Variants in ANKRD36C observed in about 807,000 individuals in gnomAD.
The protein encoded by ANKRD36C is ankyrin repeat domain-containing protein 36C.
A neutral mutation model predicts 276.4 loss-of-function variants in ANKRD36C; 61 were observed. The ratio of observed to expected loss-of-function variants is 0.22; its 90% CI spans 0.18 to 0.27. ANKRD36C has a LOEUF of 0.27. Ranked by LOEUF, ANKRD36C falls within the 10% of genes least tolerant of loss-of-function variation. The pLI is 1.00. For missense variants in ANKRD36C, 1,447 were observed against 2,032.3 expected, an observed-to-expected ratio of 0.71 and a Z score of 5.54; for synonymous variants, 483 against 680.1, an observed-to-expected ratio of 0.71 and a Z score of 4.51.
At chr2:95,975,751 G>A (rs905146710) in intron 6 of ANKRD36C, among the ~76,000 whole-genome samples, 24 of 152,178 alleles carry the variant, frequency 1.6e-4, no homozygotes, top group Middle Eastern at 3.4e-3. Context: ...CAAAAGCAAC[G>A]GCAACAAAAG....
exon 64 of ANKRD36C, chr2:95,853,719 A>T (rs1390255473): frequency 6.3e-7 from 1 of 1,583,892 alleles, no homozygotes; most frequent in Admixed American, 1.8e-5. Flanking sequence ...TTGACTTCTC[A>T]TCTGGTCTAA....
chr2:95,962,442 C>A lies in ANKRD36C; in HGVS notation c.829-18G>T. Reference sequence around the variant, plus strand: ...CTTGTAGCCTGAGTGGGATTTGAAACAAAATAATCAATACGTAAAGTATTT... The same window carrying A: ...CTTGTAGCCTGAGTGGGATTTGAAAAAAAATAATCAATACGTAAAGTATTT... On this transcript the variant is annotated intron_variant, in intron 7 of 66. Coordinates refer to ENST00000456556, the Ensembl canonical transcript of ANKRD36C. 2 of 1,581,728 alleles carry A rather than the reference C, an allele frequency of 1.3e-6. No homozygotes were observed. Among genetic ancestry groups the A allele is most frequent in the Non-Finnish European group, 1.7e-6 (2 of 1,165,244 alleles).
chr2:95,887,003 C>G (rs1447238543), intron 50 of ANKRD36C, among the ~76,000 whole-genome samples: 1 of 151,314 alleles, frequency 6.6e-6, no homozygotes, highest in South Asian at 2.1e-4. Flanking sequence ...TATTAATAAG[C>G]TTTTACACTT....
chr2:95,925,491 T>G, intron 29 of ANKRD36C, 28 bp downstream of exon 29: 2 of 1,548,394 alleles, frequency 1.3e-6, no homozygotes, highest in Non-Finnish European at 1.7e-6. Flanking sequence ...TAATAAATAA[T>G]TCAAAATATA....
At chr2:95,851,569 A>G in intron 66 of ANKRD36C, 125 bp downstream of exon 86, 2 of 861,396 alleles carry the variant, frequency 2.3e-6, no homozygotes, top group Non-Finnish European at 3.6e-6. Context: ...GTATATGCAA[A>G]TATTCCAAAA....
chr2:95,891,386 A>G (rs1432289922), intron 46 of ANKRD36C, among the ~76,000 whole-genome samples: 1 of 151,430 alleles, frequency 6.6e-6, no homozygotes, highest in Non-Finnish European at 1.5e-5. Flanking sequence ...GGAGAATTAA[A>G]GCAAAATTAT....
In ANKRD36C at chr2:95,978,193, T is replaced by C; in HGVS notation, c.732-4A>G. 1 of 986,028 alleles carries C rather than the reference T, an allele frequency of 1.0e-6. No homozygotes were observed. The highest frequency in any genetic ancestry group is 1.7e-5 in the African/African-American group (1 of 60,380). 61.1% of individuals were successfully genotyped at this position (986,028 alleles called of 1,614,324 possible). A position where few individuals can be genotyped will look rare whatever the true frequency, so the allele number is the denominator to read the frequency against. On this transcript the variant is annotated splice_polypyrimidine_tract_variant and splice_region_variant and intron_variant, in intron 5 of 66. Coordinates refer to ENST00000456556, the Ensembl canonical transcript of ANKRD36C. ...TTCATAAATTAGTTCAAAAATGCTA[T>C]GCATAAAAATAAATGAAATTAATAT...
chr2:95,929,841 T>C (rs2463560), intron 24 of ANKRD36C, among the ~76,000 whole-genome samples: 61,103 of 150,742 alleles, frequency 0.41, 13,248 homozygotes, highest in East Asian at 0.65. Flanking sequence ...TTCATTATTT[T>C]TCACACCCAT....
chr2:95,916,636 C>T (rs1284237254), intron 36 of ANKRD36C, among the ~76,000 whole-genome samples: 2 of 151,640 alleles, frequency 1.3e-5, no homozygotes, highest in Non-Finnish European at 3.0e-5. Context: ...CACACAATTC[C>T]GATGACCCTT....
intron 13 of ANKRD36C, among the ~76,000 whole-genome samples, chr2:95,954,861 T>C (rs1438731281): frequency 6.6e-6 from 1 of 152,092 alleles, no homozygotes; most frequent in Non-Finnish European, 1.5e-5. Context: ...TTCCTCCCTA[T>C]GGGCTCCCAC....
At chr2:95,896,524 G>A (rs1461780124) in intron 44 of ANKRD36C, among the ~76,000 whole-genome samples, 1 of 149,490 alleles carries the variant, frequency 6.7e-6, no homozygotes, top group Non-Finnish European at 1.5e-5. Flanking sequence ...CTTGAACAAG[G>A]AAGCAAATTT....
At chr2:95,857,238 T>C in intron 62 of ANKRD36C, 71 bp downstream of exon 82, 1 of 1,552,750 alleles carries the variant, frequency 6.4e-7, no homozygotes, top group Non-Finnish European at 8.7e-7. Flanking sequence ...TAATGTACAT[T>C]AAACAAAAGA....
intron 30 of ANKRD36C, 75 bp from the exon 31 acceptor site, chr2:95,923,764 G>T: frequency 1.3e-6 from 2 of 1,584,122 alleles, no homozygotes; most frequent in South Asian, 2.3e-5. Flanking sequence ...TGAAGTGTTA[G>T]AATCAAGCTG....
At chr2:95,922,673 TAGG>T (rs1677303125) in intron 32 of ANKRD36C, among the ~76,000 whole-genome samples, 1 of 151,686 alleles carries the variant, frequency 6.6e-6, no homozygotes, top group Non-Finnish European at 1.5e-5. Flanking sequence ...ATTGTCTTGT[TAGG>T]AGGATCATAC....
intron 58 of ANKRD36C, among the ~76,000 whole-genome samples, chr2:95,876,853 C>CA (rs61043155): frequency 0.022 from 1,812 of 83,394 alleles, 72 homozygotes; most frequent in East Asian, 0.13. Flanking sequence ...GACTGTGTCT[C>CA]AAAAAAAAAA....
chr2:95,861,775 G>C (rs1412514786), intron 60 of ANKRD36C, among the ~76,000 whole-genome samples: 1 of 152,040 alleles, frequency 6.6e-6, no homozygotes, highest in African/African-American at 2.4e-5. Context: ...ACTTGTCTAA[G>C]AACCTCAACT....
At chr2:95,890,378 T>C (rs2104346870) in intron 46 of ANKRD36C, among the ~76,000 whole-genome samples, 1 of 151,562 alleles carries the variant, frequency 6.6e-6, no homozygotes, top group Non-Finnish European at 1.5e-5. Flanking sequence ...ATGTAAGAAA[T>C]CAAAGGATAT....
At chr2:95,925,952 T>C (rs1454682761) in intron 28 of ANKRD36C, among the ~76,000 whole-genome samples, 1 of 151,616 alleles carries the variant, frequency 6.6e-6, no homozygotes, top group Non-Finnish European at 1.5e-5. Flanking sequence ...ATTTATACCA[T>C]TATACTGCAA....
At position 95,851,933 on chromosome 2, in the gene ANKRD36C, CTG is replaced by C. The variant is rs1675301402; in HGVS notation, c.5220-148_5220-147del. The C allele has an allele frequency of 2.7e-6, 3 of 1,110,032 alleles. 1 individual carries two copies. In the South Asian group the frequency reaches 4.9e-5, roughly 18 times the overall value. The allele number at this position is 1,110,032 out of a possible 1,614,324, so 68.8% of individuals were successfully genotyped here. On this transcript the variant is annotated intron_variant, in intron 65 of 66. Transcript: ENST00000456556. ...TTGGGCTACTGTGTCATTTTTCTAC[CTG>C]TGTTTTGTTGATAATATGCAAAATT...
Sources: gnomAD v4.1 joint callset for allele counts (sites outside exome capture counted in the v4.1 genomes callset) on GRCh38, gnomAD v4.1.1 for gene constraint, MANE v1.5 for transcripts, NCBI Gene and HGNC (gene_info 2026-07-23, HGNC 2026-07-21) for gene names.